Variants in STAT4 observed in about 807,000 individuals in gnomAD.
The protein encoded by STAT4 is signal transducer and activator of transcription 4.
STAT4 carries 42 observed loss-of-function variants against 110.5 expected under a neutral mutation model. That is an observed-to-expected ratio of 0.38 (90% CI 0.30 to 0.49). The LOEUF is 0.49. STAT4 is among the 20% of genes least tolerant of loss of function. STAT4 has a pLI of 0.95. For synonymous variants in STAT4, 284 were observed against 302.2 expected (o/e 0.94, Z 0.63); for missense variants, 632 against 887.9 (o/e 0.71, Z 3.66).
At chr2:191,049,530 C>T (rs1037122569) in intron 14 of STAT4, among the ~76,000 whole-genome samples, 5 of 152,152 alleles carry the variant, frequency 3.3e-5, no homozygotes, top group Admixed American at 2.6e-4. Flanking sequence ...AAAAATATGA[C>T]TGGGATATAG....
Position 191,039,047 on chromosome 2 carries a change from C to T in STAT4, c.1434+152G>A. On this transcript the variant is annotated intron_variant, in intron 16 of 23. Transcript: ENST00000392320. This position sits in a 1 kb window ranked among gnomAD's most constrained non-coding sequence, Gnocchi z 4.7. ...TCAGAACATACTACTTTAAATATGA[C>T]ATGAGAGGAAACATACAACTAGAAA... 1 of 666,018 alleles carries T rather than the reference C, an allele frequency of 1.5e-6. No homozygotes were observed. The allele number at this position is 666,018 out of a possible 1,614,324, so 41.3% of individuals were successfully genotyped here. A position where few individuals can be genotyped will look rare whatever the true frequency, so the allele number is the denominator to read the frequency against.
At chr2:191,100,061 T>C (rs1473070564) in intron 3 of STAT4, among the ~76,000 whole-genome samples, 1 of 152,162 alleles carries the variant, frequency 6.6e-6, no homozygotes, top group Non-Finnish European at 1.5e-5. Context: ...AAAATTCCAT[T>C]GGTAAAAAAT....
chr2:191,132,088 C>A lies in STAT4; in HGVS notation c.273+14525G>T, dbSNP rs190748053. Among the ~76,000 whole-genome samples, 173 of 151,820 alleles carry A rather than the reference C, an allele frequency of 1.1e-3. 6 individuals carry two copies. The highest frequency in any genetic ancestry group is 4.0e-3 in the African/African-American group (164 of 41,110). ...GGGACTTTCATTCTTCACATTAAAT[C>A]CTTCTGTTCTCTTTGACTTTTCACT... On this transcript the variant is annotated intron_variant, in intron 3 of 23. Coordinates refer to ENST00000392320, the MANE Select transcript of STAT4 (RefSeq NM_003151.4).
At position 191,054,934 on chromosome 2, in the gene STAT4, G is replaced by C. The variant is rs185953867; in HGVS notation, c.1207-400C>G. On this transcript the variant is annotated intron_variant, in intron 13 of 23. Transcript: ENST00000392320. ...ACGAAGACTAGAAAAATAAACTACA[G>C]GGCAGTGTGTACCATATAGCATAGT... Among the ~76,000 whole-genome samples the C allele has an allele frequency of 5.3e-5, 8 of 152,224 alleles. No homozygotes were observed. In the East Asian group the frequency reaches 1.3e-3, roughly 26 times the overall value.
chr2:191,150,878 A>C lies in STAT4; in HGVS notation c.-2+69T>G. The C allele has an allele frequency of 3.1e-6, 3 of 973,794 alleles. No individual in the cohort carries two copies. The highest frequency in any genetic ancestry group is 2.4e-6 in the Non-Finnish European group (2 of 819,350). The allele number at this position is 973,794 out of a possible 1,614,324, so 60.3% of individuals were successfully genotyped here. ...AAACGCCAAGGGAAAGCAAAGCTTC[A>C]GAGTATCCTGCATAATAAGCATGTC... On this transcript the variant is annotated intron_variant, in intron 1 of 23. Coordinates refer to ENST00000392320, the MANE Select transcript of STAT4 (RefSeq NM_003151.4). This position sits in a 1 kb window ranked among gnomAD's most constrained non-coding sequence, Gnocchi z 6.4.
In STAT4 at chr2:191,061,637, G is replaced by T; in HGVS notation, c.1034+92C>A. The stretch of plus-strand genomic sequence containing the variant: ...GCAGATGGTTCAATAAAGAACAGCT[G>T]AATGCAAGCCACAATGAGAGAAATT... On this transcript the variant is annotated intron_variant, in intron 10 of 23. Coordinates refer to ENST00000392320, the MANE Select transcript of STAT4 (RefSeq NM_003151.4). The surrounding 1 kb of genome is among the most constrained non-coding windows in gnomAD (Gnocchi z 6.2). 4 of 1,191,784 alleles carry T rather than the reference G, an allele frequency of 3.4e-6. No homozygotes were observed. Among genetic ancestry groups the T allele is most frequent in the Non-Finnish European group, 5.0e-6 (4 of 798,082 alleles). The allele number at this position is 1,191,784 out of a possible 1,614,324, so 73.8% of individuals were successfully genotyped here. A position where few individuals can be genotyped will look rare whatever the true frequency, so the allele number is the denominator to read the frequency against.
At chr2:191,075,853 T>TG (rs1697302703) in intron 4 of STAT4, among the ~76,000 whole-genome samples, 1 of 148,310 alleles carries the variant, frequency 6.7e-6, no homozygotes, top group African/African-American at 2.5e-5. Flanking sequence ...TTTTTTTTTT[T>TG]TTTGTTTTGT....
intron 13 of STAT4, 42 bp from the exon 14 acceptor site, chr2:191,054,576 A>G: frequency 6.4e-7 from 1 of 1,573,018 alleles, no homozygotes; most frequent in Non-Finnish European, 8.7e-7. Flanking sequence ...GAAAAGCATT[A>G]TCAGCTACAT....
intron 3 of STAT4, chr2:191,132,042 GAA>G: frequency 9.2e-7 from 1 of 1,082,330 alleles, no homozygotes. Flanking sequence ...TAACTGAAGA[GAA>G]ACGTTTCTTA....
intron 13 of STAT4, among the ~76,000 whole-genome samples, chr2:191,055,268 G>A (rs1348038286): frequency 4.6e-5 from 7 of 150,982 alleles, no homozygotes; most frequent in Non-Finnish European, 7.4e-5. Context: ...GCACAATCTC[G>A]GCTCACTGCA....
chr2:191,139,897 A>G (rs1444868712), intron 3 of STAT4, among the ~76,000 whole-genome samples: 1 of 152,218 alleles, frequency 6.6e-6, no homozygotes, highest in Admixed American at 6.5e-5. Context: ...TACTGGCATA[A>G]AAGTAGGCAG....
At chr2:191,065,636 A>G (rs1278644240) in intron 7 of STAT4, among the ~76,000 whole-genome samples, 1 of 152,200 alleles carries the variant, frequency 6.6e-6, no homozygotes, top group East Asian at 1.9e-4. Context: ...GCATAGATTT[A>G]TTATGCATAA....
At chr2:191,114,325 A>G (rs1698515754) in intron 3 of STAT4, among the ~76,000 whole-genome samples, 1 of 152,198 alleles carries the variant, frequency 6.6e-6, no homozygotes, top group African/African-American at 2.4e-5. Context: ...TGTTGCATAC[A>G]TATTATTATT....
Position 191,116,223 on chromosome 2 carries a change from A to G in STAT4, c.273+30390T>C, listed in dbSNP as rs1698566947. Among the ~76,000 whole-genome samples, 1 of 152,198 alleles carries G rather than the reference A, an allele frequency of 6.6e-6. No homozygotes were observed. Among genetic ancestry groups the G allele is most frequent in the Non-Finnish European group, 1.5e-5 (1 of 68,028 alleles). On this transcript the variant is annotated intron_variant, in intron 3 of 23. Transcript: ENST00000392320. The surrounding 1 kb of genome is among the most constrained non-coding windows in gnomAD (Gnocchi z 4.1). ...TACCCTTTGTTCACTGATGCTGACA[A>G]GAGGGAATTGGTTTGATAATACAGT...
At chr2:191,071,987 A>C (rs1423706730) in intron 5 of STAT4, among the ~76,000 whole-genome samples, 1 of 152,126 alleles carries the variant, frequency 6.6e-6, no homozygotes, top group Non-Finnish European at 1.5e-5. Context: ...CTCTCTCCCC[A>C]CAACCCCCTG....
intron 3 of STAT4, among the ~76,000 whole-genome samples, chr2:191,078,097 T>C (rs977314591): frequency 2.4e-4 from 12 of 49,830 alleles, no homozygotes; most frequent in Non-Finnish European, 7.4e-4. Flanking sequence ...TATTATTCCA[T>C]TGTTAAAAAA....
chr2:191,063,625 C>T (rs1261152628), intron 8 of STAT4, among the ~76,000 whole-genome samples: 1 of 152,144 alleles, frequency 6.6e-6, no homozygotes, highest in East Asian at 1.9e-4. Context: ...GAAAGTCCAC[C>T]TCGCCATACA....
At position 191,082,850 on chromosome 2, in the gene STAT4, A is replaced by G. The variant is rs1418049458; in HGVS notation, c.274-6525T>C. Among the ~76,000 whole-genome samples the G allele has an allele frequency of 6.6e-6, 1 of 152,236 alleles. No homozygotes were observed. Among genetic ancestry groups the G allele is most frequent in the African/African-American group, 2.4e-5 (1 of 41,476 alleles). On this transcript the variant is annotated intron_variant, in intron 3 of 23. Transcript: ENST00000392320. The surrounding 1 kb of genome is among the most constrained non-coding windows in gnomAD (Gnocchi z 4.7). ...ACATGGAGCCTGAAACTTCACAATT[A>G]GGAATTCACTCCTCTGAGTTCTTTT... is the stretch of plus-strand genomic sequence containing the variant.
Position 191,046,967 on chromosome 2 carries a change from T to C in STAT4, c.1252-5819A>G, listed in dbSNP as rs1016651643. Among the ~76,000 whole-genome samples the C allele has an allele frequency of 6.6e-6, 1 of 152,132 alleles. No homozygotes were observed. The highest frequency in any genetic ancestry group is 1.5e-5 in the Non-Finnish European group (1 of 68,004). Reference sequence around the variant, plus strand: ...AGTTGGTTGCTAGGGGAACCAATCATGTGATTAGGAGTTGGAACTTCTACC... The same window carrying C: ...AGTTGGTTGCTAGGGGAACCAATCACGTGATTAGGAGTTGGAACTTCTACC... On this transcript the variant is annotated intron_variant, in intron 14 of 23. Transcript: ENST00000392320. This position sits in a 1 kb window ranked among gnomAD's most constrained non-coding sequence, Gnocchi z 4.6.
Sources: allele counts gnomAD v4.1 joint callset (sites outside exome capture counted in the v4.1 genomes callset), GRCh38; gene constraint gnomAD v4.1.1; non-coding constraint Gnocchi (gnomAD v3.1); transcripts MANE v1.5; gene names NCBI Gene and HGNC (gene_info 2026-07-23, HGNC 2026-07-21).